RNF20: variants seen among roughly 807,000 people sequenced by gnomAD.
The protein encoded by RNF20 is ring finger protein 20.
In RNF20, 84 loss-of-function variants were observed where a neutral mutation model predicts 126.2. The observed-to-expected ratio is 0.67, with a 90% confidence interval of 0.56 to 0.80. RNF20 has a LOEUF of 0.80. Ranked by LOEUF, RNF20 falls within the 30% of genes least tolerant of loss-of-function variation. RNF20 has a pLI of 0.00. For synonymous variants in RNF20, 400 were observed against 414.3 expected, an observed-to-expected ratio of 0.97 and a Z score of 0.42; for missense variants, 869 against 1,188.2, an observed-to-expected ratio of 0.73 and a Z score of 3.95.
intron 5 of RNF20, among the ~76,000 whole-genome samples, chr9:101,541,620 A>G (rs942770794): frequency 6.6e-6 from 1 of 152,212 alleles, no homozygotes; most frequent in Non-Finnish European, 1.5e-5. Flanking sequence ...TATGTAGGCT[A>G]TTGATTTATA....
chr9:101,536,322 G>A (rs1827184065), intron 2 of RNF20, among the ~76,000 whole-genome samples: 1 of 152,164 alleles, frequency 6.6e-6, no homozygotes, highest in South Asian at 2.1e-4. Flanking sequence ...ACATGGGGAT[G>A]TGATATTAAA....
intron 2 of RNF20, 57 bp from the exon 3 acceptor site, chr9:101,540,140 GAGTTTA>G: frequency 6.8e-7 from 1 of 1,465,136 alleles, no homozygotes; most frequent in South Asian, 1.2e-5. Context: ...TGACCTTGTT[GAGTTTA>G]ACGGCTCATT....
intron 9 of RNF20, among the ~76,000 whole-genome samples, chr9:101,548,372 T>C (rs1353021879): frequency 6.6e-6 from 1 of 152,214 alleles, no homozygotes; most frequent in Admixed American, 6.5e-5. Flanking sequence ...GTTTTAGTTA[T>C]GCAGGATGAA....
Position 101,562,250 on chromosome 9 carries a change from G to A in RNF20, c.2756G>A (p.Arg919His), listed in dbSNP as rs765930538. 1 of 1,612,394 alleles carries A rather than the reference G, an allele frequency of 6.2e-7. No homozygotes were observed. The highest frequency in any genetic ancestry group is 8.5e-7 in the Non-Finnish European group (1 of 1,179,004). Residue 919 changes from arginine (R) to histidine (H), a missense_variant, in exon 20 of 20, where the codon CGC becomes CAC. Around this residue, in one of 8 missense-constraint regions of RNF20, gnomAD observed 36 missense variants for 85.6 expected, o/e 0.42. Coordinates refer to ENST00000389120, the MANE Select transcript of RNF20 (RefSeq NM_019592.7). ...LMEEIKDYKA[R>H]LTCPCCNMRK... Reference sequence around the variant, plus strand: ...TCTGACATCTTTTCTTTTTAGGCACGCTTGACCTGTCCGTGCTGTAACATG... The same window carrying A: ...TCTGACATCTTTTCTTTTTAGGCACACTTGACCTGTCCGTGCTGTAACATG...
Position 101,551,689 on chromosome 9 carries a change from T to C in RNF20, c.1278T>C (p.Asp426=). 6.3e-7 allele frequency: 1 copy of C among 1,597,346 alleles called. No homozygotes were observed. Among genetic ancestry groups the C allele is most frequent in the Non-Finnish European group, 8.5e-7 (1 of 1,175,246 alleles). Residue 426 remains aspartate, a synonymous_variant, in exon 11 of 20, where the codon GAT becomes GAC. Coordinates refer to ENST00000389120, the MANE Select transcript of RNF20 (RefSeq NM_019592.7). ...GTTCCTTTATCTGTGTGTAGCGAGA[T>C]GAGGTTAGTCTTCATAAGAAGCTGA... is the stretch of plus-strand genomic sequence containing the variant. ...HQHQVELIER[D]EVSLHKKLRT...
intron 2 of RNF20, 40 bp from the exon 3 acceptor site, chr9:101,540,163 A>T (rs759019733): frequency 6.3e-7 from 1 of 1,577,296 alleles, no homozygotes; most frequent in Non-Finnish European, 8.6e-7. Context: ...CATTTTTCTT[A>T]TTTCTTTGTG....
In RNF20 at chr9:101,535,408, G is replaced by A; in HGVS notation, c.-16G>A. ...CTTTTTTTCTATCAGGAAAACGACT[G>A]TCTTCTTCTGCCAAAATGTCAGGAA... On this transcript the variant is annotated 5_prime_UTR_variant, in exon 2 of 20. Transcript: ENST00000389120. The A allele has an allele frequency of 3.7e-6, 6 of 1,610,854 alleles. No individual in the cohort carries two copies. Among genetic ancestry groups the A allele is most frequent in the Non-Finnish European group, 4.2e-6 (5 of 1,179,054 alleles).
chr9:101,534,894 T>C (rs1023682026), intron 1 of RNF20, among the ~76,000 whole-genome samples: 1 of 151,974 alleles, frequency 6.6e-6, no homozygotes, highest in Admixed American at 6.6e-5. Flanking sequence ...GTCATGTAAA[T>C]TTAGCCTTGA....
chr9:101,562,340 G>A lies in RNF20; in HGVS notation c.2846G>A (p.Arg949His), dbSNP rs757082884. The change falls in exon 20 of 20, where the codon CGC (arginine) becomes CAC (histidine). Residue 949 changes from arginine to histidine, a missense_variant. Physicochemically the swap from Arg to His is conservative, Grantham distance 29 (BLOSUM62 0). Coordinates refer to ENST00000389120, the MANE Select transcript of RNF20 (RefSeq NM_019592.7). ...HVFCFECVKT[R>H]YDTRQRKCPK... ...TTCTGCTTTGAGTGTGTGAAGACAC[G>A]CTATGACACCCGCCAGCGCAAATGT... is the stretch of plus-strand genomic sequence containing the variant. 5 of 1,614,002 alleles carry A rather than the reference G, an allele frequency of 3.1e-6. No individual in the cohort carries two copies. Among genetic ancestry groups the A allele is most frequent in the Non-Finnish European group, 3.4e-6 (4 of 1,179,970 alleles).
chr9:101,544,713 A>G (rs1827320225), intron 5 of RNF20, 54 bp from the exon 6 acceptor site: 5 of 1,313,334 alleles, frequency 3.8e-6, no homozygotes, highest in Non-Finnish European at 5.4e-6. Flanking sequence ...TCTTAAAAAA[A>G]AAAAAAAAAT....
chr9:101,546,787 A>T (rs751202191), intron 6 of RNF20, 33 bp from the exon 7 acceptor site: 2 of 1,610,878 alleles, frequency 1.2e-6, no homozygotes, highest in Middle Eastern at 1.7e-4. Flanking sequence ...TTTTTTTGCT[A>T]TATGTTTCTG....
Position 101,540,950 on chromosome 9 carries a change from C to T in RNF20, c.603C>T (p.Leu201=). ...ATAAATTGCAAGAAAAAGTGGAGCT[C>T]TTATCCCGGAAGCTAAACAGTGGAG... The part of the protein sequence containing the change: ...VYDKLQEKVE[L]LSRKLNSGDN... The change falls in exon 5 of 20, where the codon CTC becomes CTT. Residue 201 remains leucine, a synonymous_variant. Coordinates refer to ENST00000389120, the MANE Select transcript of RNF20 (RefSeq NM_019592.7). 1.4e-5 allele frequency: 23 copies of T among 1,614,004 alleles called. No homozygotes were observed. The highest frequency in any genetic ancestry group is 1.9e-5 in the Non-Finnish European group (23 of 1,179,946).
At position 101,551,640 on chromosome 9, in the gene RNF20, AT is replaced by A. The variant is rs758790865; in HGVS notation, c.1273-40del. 4.1e-6 allele frequency: 4 copies of A among 970,964 alleles called. No individual in the cohort carries two copies. In the African/African-American group the frequency reaches 6.3e-5, roughly 15 times the overall value. 60.1% of individuals were successfully genotyped at this position (970,964 alleles called of 1,614,324 possible). A position where few individuals can be genotyped will look rare whatever the true frequency, so the allele number is the denominator to read the frequency against. On this transcript the variant is annotated intron_variant, in intron 10 of 19. Transcript: ENST00000389120. Reference sequence around the variant, plus strand: ...CCATAGAATATGATGATATTTCTACATTTTAATAAGAATTTTTTTATTGGTT... The same window carrying A: ...CCATAGAATATGATGATATTTCTACATTTAATAAGAATTTTTTTATTGGTT...
intron 5 of RNF20, 141 bp from the exon 6 acceptor site, chr9:101,544,626 G>T: frequency 1.8e-6 from 1 of 564,412 alleles, no homozygotes. Flanking sequence ...GAATCGGCTC[G>T]AACCCTGGAG....
intron 9 of RNF20, among the ~76,000 whole-genome samples, chr9:101,548,671 T>C (rs1360969797): frequency 6.6e-6 from 1 of 152,230 alleles, no homozygotes; most frequent in Non-Finnish European, 1.5e-5. Flanking sequence ...TCTACTTCTT[T>C]ACTTACATAT....
chr9:101,546,769 ATTTGGTCTTT>A (rs764787123), intron 6 of RNF20, 41 bp from the exon 7 acceptor site: 1 of 1,599,918 alleles, frequency 6.3e-7, no homozygotes, highest in South Asian at 1.1e-5. Flanking sequence ...ATATTATGGA[ATTTGGTCTTT>A]TTTTGCTATA....
At chr9:101,549,506 C>T (rs1449376561) in intron 9 of RNF20, among the ~76,000 whole-genome samples, 2 of 152,082 alleles carry the variant, frequency 1.3e-5, no homozygotes, top group South Asian at 2.1e-4. Flanking sequence ...CGGATAACGG[C>T]GGACGAGCCT....
At position 101,547,211 on chromosome 9, in the gene RNF20, G is replaced by A. The variant is rs779246216; in HGVS notation, c.969G>A (p.Arg323=). Residue 323 remains arginine, a synonymous_variant, in exon 8 of 20, where the codon CGG becomes CGA. Transcript: ENST00000389120. ...GCGGCACAATCACTATCAATGCTCG[G>A]AAGGTAAAATCAGTGACTCAGGACA... The part of the protein sequence containing the change: ...LYGGTITINA[R]KFEEMNAELE... 1 of 1,614,078 alleles carries A rather than the reference G, an allele frequency of 6.2e-7. No individual in the cohort carries two copies. Among genetic ancestry groups the A allele is most frequent in the South Asian group, 1.1e-5 (1 of 91,070 alleles).
intron 2 of RNF20, among the ~76,000 whole-genome samples, chr9:101,539,626 A>C (rs1410339957): frequency 6.6e-6 from 1 of 152,176 alleles, no homozygotes; most frequent in Admixed American, 6.5e-5. Context: ...TTGGAATATA[A>C]GATTTCAGAT....
Sources: allele counts gnomAD v4.1 joint callset (sites outside exome capture counted in the v4.1 genomes callset), GRCh38; gene constraint gnomAD v4.1.1; regional missense constraint gnomAD v4.1.1; transcripts MANE v1.5; gene names NCBI Gene and HGNC (gene_info 2026-07-23, HGNC 2026-07-21).